Variants in XKR9 observed in about 807,000 individuals in gnomAD.
XKR9 encodes XK-related protein 9.
Under a neutral mutation model 32.0 loss-of-function variants are expected in XKR9, and 32 were observed. That is an observed-to-expected ratio of 1.00 (90% CI 0.76 to 1.34). The LOEUF (loss-of-function observed/expected upper bound fraction) is 1.34. Among genes scored for constraint, XKR9 ranks in the 40% most tolerant of loss-of-function variants. The pLI, the probability that XKR9 is intolerant of heterozygous loss-of-function variation, is 0.00. For missense variants in XKR9, 546 were observed against 429.7 expected, an observed-to-expected ratio of 1.27 and a Z score of -2.39; for synonymous variants, 168 against 143.4, an observed-to-expected ratio of 1.17 and a Z score of -1.22.
Position 70,716,262 on chromosome 8 carries a change from A to G in XKR9, c.493+9109A>G, listed in dbSNP as rs531654371. On this transcript the variant is annotated intron_variant, in intron 4 of 4. Transcript: ENST00000408926. ...TCCAGGAATAATGAAATATTTTAAA[A>G]GAAAGGAAATATAGAGTGTTTTTTT... Among the ~76,000 whole-genome samples the G allele has an allele frequency of 9.2e-5, 14 of 152,344 alleles. No homozygotes were observed. In the South Asian group the frequency reaches 2.9e-3, roughly 32 times the overall value.
chr8:70,963,840 T>A, the XKR9 span, among the ~76,000 whole-genome samples: 1 of 152,226 alleles, frequency 6.6e-6, no homozygotes, highest in Non-Finnish European at 1.5e-5. Context: ...GTAAATTTGT[T>A]TAAGTTCCTT....
At chr8:70,747,272 C>T (rs1042743002) in intron 2 of XKR9, among the ~76,000 whole-genome samples, 2 of 152,122 alleles carry the variant, frequency 1.3e-5, no homozygotes, top group Non-Finnish European at 1.5e-5. Context: ...GATATATACC[C>T]AGTAATGGTA....
At chr8:70,982,169 A>G in the XKR9 span, among the ~76,000 whole-genome samples, 2 of 152,372 alleles carry the variant, frequency 1.3e-5, no homozygotes, top group East Asian at 3.9e-4. Context: ...GAGGTACTGT[A>G]GGGAAGATGC....
intron 3 of XKR9, among the ~76,000 whole-genome samples, chr8:70,701,123 G>A (rs1373006182): frequency 6.6e-6 from 1 of 152,202 alleles, no homozygotes; most frequent in African/African-American, 2.4e-5. Context: ...GGAACTCCCT[G>A]ACCCCTTGCA....
chr8:70,700,736 G>T (rs1313715010), intron 3 of XKR9, among the ~76,000 whole-genome samples: 1 of 152,190 alleles, frequency 6.6e-6, no homozygotes, highest in African/African-American at 2.4e-5. Flanking sequence ...GGACATTGAA[G>T]TCTGCAGAGG....
the XKR9 span, among the ~76,000 whole-genome samples, chr8:70,969,263 AT>A: frequency 3.9e-5 from 6 of 152,162 alleles, no homozygotes; most frequent in African/African-American, 1.4e-4. Context: ...TATCCTTAAA[AT>A]TTTTTTTAAC....
At chr8:70,852,613 G>T in the XKR9 span, among the ~76,000 whole-genome samples, 2 of 152,132 alleles carry the variant, frequency 1.3e-5, no homozygotes, top group African/African-American at 4.8e-5. Context: ...GCCCATCAAT[G>T]ATAGACTGGA....
the XKR9 span, among the ~76,000 whole-genome samples, chr8:70,871,891 A>G: frequency 1.3e-5 from 2 of 152,252 alleles, no homozygotes; most frequent in Non-Finnish European, 2.9e-5. Context: ...AGAAAGTTCT[A>G]GTTCCATATT....
intron 2 of XKR9, among the ~76,000 whole-genome samples, chr8:70,751,703 C>A (rs559582130): frequency 2.3e-4 from 35 of 152,286 alleles, no homozygotes; most frequent in Middle Eastern, 3.4e-3. Context: ...ACCAGAACTT[C>A]AAGTTCTCTG....
At chr8:70,740,373 A>AT (rs1423927770), downstream of XKR9, among the ~76,000 whole-genome samples, 1 of 151,662 alleles carries the variant, frequency 6.6e-6, no homozygotes, top group African/African-American at 2.4e-5. Context: ...ATTTGTCTAA[A>AT]TTTTTTTCAA....
At chr8:70,703,036 A>G (rs1805594201) in intron 3 of XKR9, among the ~76,000 whole-genome samples, 1 of 152,018 alleles carries the variant, frequency 6.6e-6, no homozygotes, top group South Asian at 2.1e-4. Flanking sequence ...ATTTTCAGCA[A>G]TTTGAGTAAG....
At chr8:70,981,739 G>T in the XKR9 span, among the ~76,000 whole-genome samples, 1 of 152,096 alleles carries the variant, frequency 6.6e-6, no homozygotes, top group African/African-American at 2.4e-5. Flanking sequence ...TACCAGAATT[G>T]TTTTTTTGGT....
intron 4 of XKR9, among the ~76,000 whole-genome samples, chr8:70,716,228 G>A (rs34508469): frequency 0.4 from 61,170 of 151,922 alleles, 13,878 homozygotes; most frequent in Non-Finnish European, 0.52. Flanking sequence ...AAACAAGGCA[G>A]TTGTCAACTC....
At chr8:70,843,157 AAAT>A in the XKR9 span, among the ~76,000 whole-genome samples, 1 of 152,338 alleles carries the variant, frequency 6.6e-6, no homozygotes, top group African/African-American at 2.4e-5. Flanking sequence ...TATACTATAA[AAAT>A]AATAAAATGA....
chr8:70,773,538 G>T (rs1296235877), intron 2 of XKR9, among the ~76,000 whole-genome samples: 2 of 152,186 alleles, frequency 1.3e-5, no homozygotes, highest in African/African-American at 4.8e-5. Context: ...TTTGGGAAAG[G>T]GGAGAAACAC....
At chr8:70,728,613 C>G (rs768089457) in intron 4 of XKR9, among the ~76,000 whole-genome samples, 1 of 152,080 alleles carries the variant, frequency 6.6e-6, no homozygotes, top group African/African-American at 2.4e-5. Context: ...AGGATTTTGT[C>G]CAAACTGCAG....
the XKR9 span, among the ~76,000 whole-genome samples, chr8:70,851,583 A>G: frequency 6.6e-6 from 1 of 152,290 alleles, no homozygotes; most frequent in Non-Finnish European, 1.5e-5. Flanking sequence ...ACCAAAACAG[A>G]TGTATAGACC....
chr8:70,739,762 A>G (rs1806933571), downstream of XKR9, among the ~76,000 whole-genome samples: 1 of 152,156 alleles, frequency 6.6e-6, no homozygotes, highest in Non-Finnish European at 1.5e-5. Context: ...TCTGGGTTGA[A>G]AATTCTTTTC....
chr8:71,029,411 A>C, the XKR9 span, among the ~76,000 whole-genome samples: 2 of 152,180 alleles, frequency 1.3e-5, no homozygotes, highest in Admixed American at 6.5e-5. Context: ...CCAAAAGAGT[A>C]ATCCAAAGTG....
Sources: gnomAD v4.1 joint callset for allele counts (sites outside exome capture counted in the v4.1 genomes callset) on GRCh38, gnomAD v4.1.1 for gene constraint, MANE v1.5 for transcripts, NCBI Gene and HGNC (gene_info 2026-07-23, HGNC 2026-07-21) for gene names.